Variants in PDZD2 observed in about 807,000 individuals in gnomAD.
The protein encoded by PDZD2 is PDZ domain containing 2.
A neutral mutation model predicts 220.7 loss-of-function variants in PDZD2; 90 were observed. That is an observed-to-expected ratio of 0.41 (90% CI 0.34 to 0.49). The LOEUF is 0.49. PDZD2 is among the 20% of genes least tolerant of loss of function. The pLI, the probability that PDZD2 is intolerant of heterozygous loss-of-function variation, is 0.28. For missense variants in PDZD2, 3,174 were observed against 3,608.5 expected, an observed-to-expected ratio of 0.88 and a Z score of 3.08; for synonymous variants, 1,375 against 1,450.5, an observed-to-expected ratio of 0.95 and a Z score of 1.18.
intron 2 of PDZD2, among the ~76,000 whole-genome samples, chr5:31,852,918 A>G (rs776458822): frequency 2.2e-4 from 33 of 152,324 alleles, no homozygotes; most frequent in Admixed American, 3.9e-4. Context: ...TTTAAACAGC[A>G]TTGATGTACA....
chr5:31,883,468 ACCT>A (rs941039229), intron 2 of PDZD2, among the ~76,000 whole-genome samples: 24 of 151,706 alleles, frequency 1.6e-4, no homozygotes, highest in African/African-American at 5.3e-4. Flanking sequence ...TAATCTGCCC[ACCT>A]CGACCTCCCA....
chr5:31,824,500 C>T (rs1000807702), intron 2 of PDZD2, among the ~76,000 whole-genome samples: 4 of 152,176 alleles, frequency 2.6e-5, no homozygotes, highest in Admixed American at 2.6e-4. Flanking sequence ...GCCAAATTAT[C>T]TACCATGCCA....
At chr5:32,041,847 AAACAACAACAAC>A (rs138602842) in intron 7 of PDZD2, among the ~76,000 whole-genome samples, 2 of 137,754 alleles carry the variant, frequency 1.5e-5, no homozygotes, top group East Asian at 2.1e-4. Flanking sequence ...ATAAATACTA[AAACAACAACAAC>A]AACAACAACA....
intron 5 of PDZD2, among the ~76,000 whole-genome samples, chr5:32,003,657 G>T (rs1581254486): frequency 1.3e-5 from 2 of 152,100 alleles, no homozygotes; most frequent in Non-Finnish European, 2.9e-5. Flanking sequence ...TGCTAAACCT[G>T]CATTTCTTGT....
At chr5:31,867,832 G>C (rs934104814) in intron 2 of PDZD2, among the ~76,000 whole-genome samples, 5 of 138,590 alleles carry the variant, frequency 3.6e-5, no homozygotes, top group African/African-American at 1.3e-4. Context: ...ATCCCTACCC[G>C]TAACTATCAG....
intron 6 of PDZD2, among the ~76,000 whole-genome samples, chr5:32,017,608 A>G (rs896130919): frequency 6.6e-5 from 10 of 152,174 alleles, no homozygotes; most frequent in South Asian, 2.1e-4. Flanking sequence ...AAGTGTAACA[A>G]TGGGAGAACA....
rs1485746605 is a variant in PDZD2 at position 32,000,803 on chromosome 5, C to G, written c.1254+532C>G. Among the ~76,000 whole-genome samples, 1 of 152,218 alleles carries G rather than the reference C, an allele frequency of 6.6e-6. No individual in the cohort carries two copies. Among genetic ancestry groups the G allele is most frequent in the Non-Finnish European group, 1.5e-5 (1 of 68,038 alleles). On this transcript the variant is annotated intron_variant, in intron 5 of 24. Coordinates refer to ENST00000438447, the MANE Select transcript of PDZD2 (RefSeq NM_178140.4). This position sits in a 1 kb window ranked among gnomAD's most constrained non-coding sequence, Gnocchi z 4.5. ...GGGATTACAGGCGTGAGCCACCATG[C>G]CTGGCCCTTTAAGAGTTTTTATAGG...
chr5:31,967,773 A>T (rs1404552591), intron 2 of PDZD2, among the ~76,000 whole-genome samples: 1 of 152,108 alleles, frequency 6.6e-6, no homozygotes, highest in Non-Finnish European at 1.5e-5. Flanking sequence ...GCCCTGGGCA[A>T]TCTTCAGCTC....
At chr5:31,898,820 T>TTG (rs1741821877) in intron 2 of PDZD2, among the ~76,000 whole-genome samples, 1 of 149,796 alleles carries the variant, frequency 6.7e-6, no homozygotes, top group Non-Finnish European at 1.5e-5. Context: ...TTTTTTTTTT[T>TTG]TTTTTTGTTT....
At chr5:31,779,562 A>T (rs1752938553) in intron 1 of PDZD2, among the ~76,000 whole-genome samples, 1 of 151,330 alleles carries the variant, frequency 6.6e-6, no homozygotes, top group African/African-American at 2.4e-5. Flanking sequence ...TTTAGTAGAG[A>T]CGGGGTTTCA....
chr5:31,698,572 C>T (rs1211096619), intron 1 of PDZD2, among the ~76,000 whole-genome samples: 4 of 148,478 alleles, frequency 2.7e-5, no homozygotes, highest in Admixed American at 2.0e-4. Flanking sequence ...GCACTCCAGC[C>T]TGGGCGACAG....
intron 2 of PDZD2, among the ~76,000 whole-genome samples, chr5:31,821,912 T>C (rs1402826165): frequency 6.6e-5 from 10 of 152,066 alleles, no homozygotes; most frequent in African/African-American, 2.4e-4. Context: ...TTCTCATTGT[T>C]CAACTCCCAC....
chr5:31,899,867 A>G (rs1741921546), intron 2 of PDZD2, among the ~76,000 whole-genome samples: 1 of 152,184 alleles, frequency 6.6e-6, no homozygotes, highest in Admixed American at 6.5e-5. Flanking sequence ...TGAACCAGAA[A>G]GTGACTGTTG....
intron 1 of PDZD2, among the ~76,000 whole-genome samples, chr5:31,711,781 C>T (rs805218): frequency 0.75 from 114,657 of 152,136 alleles, 43,321 homozygotes; most frequent in East Asian, 0.93. Context: ...TGGAGCAGGG[C>T]GAGGGTTATC....
At chr5:31,897,580 T>C (rs1026432491) in intron 2 of PDZD2, among the ~76,000 whole-genome samples, 1 of 152,202 alleles carries the variant, frequency 6.6e-6, no homozygotes, top group African/African-American at 2.4e-5. Flanking sequence ...GTGCTTCCTA[T>C]TGATGTGAAA....
At position 31,686,388 on chromosome 5, in the gene PDZD2, G is replaced by A. The variant is rs558751350; in HGVS notation, c.-361+46951G>A. ...TTTCTTTTTTTTTTCTTTCTGAGAC[G>A]GAGTCTCACTCTGTTGCCCAGGCTG... On this transcript the variant is annotated intron_variant, in intron 1 of 24. Transcript: ENST00000438447. Among the ~76,000 whole-genome samples, 336 of 150,470 alleles carry A rather than the reference G, an allele frequency of 2.2e-3. 1 individual carries two copies. Among genetic ancestry groups the A allele is most frequent in the African/African-American group, 7.5e-3 (308 of 40,942 alleles).
chr5:31,710,110 T>A (rs1748020305), intron 1 of PDZD2, among the ~76,000 whole-genome samples: 3 of 152,224 alleles, frequency 2.0e-5, no homozygotes, highest in African/African-American at 7.2e-5. Flanking sequence ...GTGAAGAACC[T>A]GTGAAGGAAG....
chr5:31,943,809 G>A (rs982903748), intron 2 of PDZD2, among the ~76,000 whole-genome samples: 5 of 152,168 alleles, frequency 3.3e-5, no homozygotes, highest in Admixed American at 3.3e-4. Flanking sequence ...TCTTAACCTG[G>A]ATTCTATTAG....
chr5:31,845,597 G>A (rs951329117), intron 2 of PDZD2, among the ~76,000 whole-genome samples: 4 of 152,338 alleles, frequency 2.6e-5, no homozygotes, highest in Admixed American at 2.6e-4. Flanking sequence ...TTTGTGCAGA[G>A]AAGTGGCAGG....
Sources: allele counts gnomAD v4.1 joint callset (sites outside exome capture counted in the v4.1 genomes callset), GRCh38; gene constraint gnomAD v4.1.1; non-coding constraint Gnocchi (gnomAD v3.1); transcripts MANE v1.5; gene names NCBI Gene and HGNC (gene_info 2026-07-23, HGNC 2026-07-21).